STK33: variants seen among roughly 807,000 people sequenced by gnomAD.
STK33 encodes serine/threonine-protein kinase 33.
Under a neutral mutation model 58.0 loss-of-function variants are expected in STK33, and 52 were observed. The ratio of observed to expected loss-of-function variants is 0.90; its 90% CI spans 0.72 to 1.13. The LOEUF (loss-of-function observed/expected upper bound fraction) is 1.13. STK33 is among the 50% of genes most tolerant of loss of function. The pLI is 0.00. For missense variants in STK33, 630 were observed against 604.2 expected (o/e 1.04, Z -0.45); for synonymous variants, 215 against 200.1 (o/e 1.07, Z -0.63).
At chr11:8,552,879 G>A (rs1415412098) in intron 1 of STK33, among the ~76,000 whole-genome samples, 1 of 151,886 alleles carries the variant, frequency 6.6e-6, no homozygotes, top group African/African-American at 2.4e-5. Context: ...TATGCTGGGT[G>A]ATGGCTCATG....
chr11:8,410,470 C>CTTTTTTTTTTTTTTTT (rs11382344), intron 15 of STK33, among the ~76,000 whole-genome samples: 1 of 121,848 alleles, frequency 8.2e-6, no homozygotes, highest in Non-Finnish European at 1.7e-5. Flanking sequence ...CTTTTCTTTT[C>CTTTTTTTTTTTTTTTT]TTTTTTTTTT....
At chr11:8,487,511 T>C (rs960832342) in intron 1 of STK33, among the ~76,000 whole-genome samples, 2 of 150,146 alleles carry the variant, frequency 1.3e-5, no homozygotes, top group African/African-American at 4.9e-5. Context: ...GGTGAGATCA[T>C]CCAGGAAGGA....
chr11:8,504,886 T>G (rs1339388550), intron 1 of STK33, among the ~76,000 whole-genome samples: 1 of 152,220 alleles, frequency 6.6e-6, no homozygotes, highest in Non-Finnish European at 1.5e-5. Flanking sequence ...CATCACTTCC[T>G]AATCATTTCA....
intron 1 of STK33, among the ~76,000 whole-genome samples, chr11:8,585,306 C>T (rs1463165946): frequency 6.9e-6 from 1 of 144,618 alleles, no homozygotes; most frequent in African/African-American, 2.6e-5. Context: ...CTCACTACAA[C>T]CTCTGCCTCC....
the STK33 span, among the ~76,000 whole-genome samples, chr11:8,366,955 A>AGT: frequency 2.0e-5 from 3 of 152,030 alleles, no homozygotes; most frequent in Admixed American, 6.6e-5. Context: ...GGGACTGTAC[A>AGT]GTGTGTGTGT....
At chr11:8,380,614 G>T in the STK33 span, among the ~76,000 whole-genome samples, 1 of 151,886 alleles carries the variant, frequency 6.6e-6, no homozygotes, top group Admixed American at 6.6e-5. Flanking sequence ...TGGGCATGTG[G>T]TGAAAAGGGA....
intron 1 of STK33, among the ~76,000 whole-genome samples, chr11:8,584,925 AT>A (rs11331618): frequency 0.46 from 64,548 of 139,600 alleles, 14,271 homozygotes; most frequent in African/African-American, 0.53. Context: ...AAAGAAAATG[AT>A]TTTTTTTTTT....
intron 1 of STK33, among the ~76,000 whole-genome samples, chr11:8,527,693 T>A (rs1227529987): frequency 6.6e-6 from 1 of 151,968 alleles, no homozygotes; most frequent in Non-Finnish European, 1.5e-5. Context: ...ACCAGAAAAA[T>A]TATTATATCT....
intron 1 of STK33, among the ~76,000 whole-genome samples, chr11:8,517,246 T>A (rs1025500185): frequency 2.0e-5 from 3 of 152,022 alleles, no homozygotes; most frequent in Non-Finnish European, 2.9e-5. Context: ...TCCAGCAAAC[T>A]CCAACAGACC....
At chr11:8,576,573 C>T (rs978711694) in intron 1 of STK33, among the ~76,000 whole-genome samples, 3 of 152,188 alleles carry the variant, frequency 2.0e-5, no homozygotes, top group Non-Finnish European at 4.4e-5. Flanking sequence ...TTAACTTTCT[C>T]ATACTGAATA....
chr11:8,532,659 A>T (rs1180984673), intron 1 of STK33, among the ~76,000 whole-genome samples: 1 of 152,218 alleles, frequency 6.6e-6, no homozygotes, highest in Admixed American at 6.5e-5. Flanking sequence ...CCAAATCACT[A>T]TGTTGAAGAG....
At position 8,400,115 on chromosome 11, in the gene STK33, T is replaced by C. The variant is rs1406654606; in HGVS notation, c.1345-7405A>G. Among the ~76,000 whole-genome samples the C allele has an allele frequency of 2.6e-5, 4 of 152,312 alleles. No individual in the cohort carries two copies. In the East Asian group the frequency reaches 7.7e-4, roughly 29 times the overall value. On this transcript the variant is annotated intron_variant, in intron 15 of 15. Coordinates refer to ENST00000687296, the MANE Select transcript of STK33 (RefSeq NM_001352389.2). ...AAAGAGGGAATCCTCCCTAGCTCAT[T>C]TGATGAGGCCAGCATCATCCTGATA...
chr11:8,518,413 G>A (rs1283869855), intron 1 of STK33, among the ~76,000 whole-genome samples: 4 of 152,146 alleles, frequency 2.6e-5, no homozygotes, highest in African/African-American at 4.8e-5. Context: ...GACCATCAAT[G>A]CAGGGAAGAA....
At chr11:8,489,961 C>A (rs757692043) in intron 1 of STK33, among the ~76,000 whole-genome samples, 2 of 152,020 alleles carry the variant, frequency 1.3e-5, no homozygotes, top group Admixed American at 6.5e-5. Flanking sequence ...CCAAGATGGC[C>A]GAATAGGAAC....
the STK33 span, among the ~76,000 whole-genome samples, chr11:8,346,605 C>T: frequency 6.6e-5 from 10 of 152,218 alleles, no homozygotes; most frequent in Admixed American, 1.3e-4. Context: ...CTGAGGCTCC[C>T]GCATGACACT....
At chr11:8,520,902 G>C (rs1480699441) in intron 1 of STK33, among the ~76,000 whole-genome samples, 3 of 151,872 alleles carry the variant, frequency 2.0e-5, no homozygotes, top group African/African-American at 7.3e-5. Context: ...TCAATATTGT[G>C]AAAAAGGCCA....
At chr11:8,343,950 T>A in the STK33 span, among the ~76,000 whole-genome samples, 23 of 152,062 alleles carry the variant, frequency 1.5e-4, 1 homozygote, top group Non-Finnish European at 1.5e-5. Context: ...CTTCCACTCC[T>A]CCACAGGAAC....
the STK33 span, among the ~76,000 whole-genome samples, chr11:8,338,665 G>A: frequency 6.6e-6 from 1 of 152,112 alleles, no homozygotes; most frequent in South Asian, 2.1e-4. Flanking sequence ...AAGGATACCT[G>A]ACTCCCCAGT....
At chr11:8,344,076 C>T in the STK33 span, among the ~76,000 whole-genome samples, 3 of 152,184 alleles carry the variant, frequency 2.0e-5, no homozygotes, top group Non-Finnish European at 4.4e-5. Context: ...TAGGGCTGGA[C>T]GCAGTGACTC....
Sources: allele counts gnomAD v4.1 joint callset (sites outside exome capture counted in the v4.1 genomes callset), GRCh38; gene constraint gnomAD v4.1.1; transcripts MANE v1.5; gene names NCBI Gene and HGNC (gene_info 2026-07-23, HGNC 2026-07-21).